The following WWOX variants were observed in gnomAD, a reference collection of about 807,000 sequenced individuals.
WWOX encodes the protein WW domain-containing oxidoreductase.
Under a neutral mutation model 46.2 loss-of-function variants are expected in WWOX, and 69 were observed. The observed-to-expected ratio is 1.49, with a 90% confidence interval of 1.23 to 1.82. The LOEUF (loss-of-function observed/expected upper bound fraction) is 1.82. Among genes scored for constraint, WWOX ranks in the 40% most tolerant of loss-of-function variants. WWOX has a pLI of 0.00. For missense variants in WWOX, 919 were observed against 542.6 expected (o/e 1.69, Z -6.89); for synonymous variants, 359 against 202.6 (o/e 1.77, Z -6.56).
intron 8 of WWOX, among the ~76,000 whole-genome samples, chr16:78,697,371 A>G (rs2048122839): frequency 1.3e-5 from 2 of 152,202 alleles, no homozygotes; most frequent in South Asian, 2.1e-4. Flanking sequence ...CAGGAGTAAG[A>G]TGGTATCGCA....
At chr16:78,612,568 T>A (rs938254158) in intron 8 of WWOX, among the ~76,000 whole-genome samples, 1 of 152,224 alleles carries the variant, frequency 6.6e-6, no homozygotes, top group African/African-American at 2.4e-5. Context: ...CTGGAACTCA[T>A]GGGCTCAAGC....
intron 5 of WWOX, among the ~76,000 whole-genome samples, chr16:78,328,732 G>T (rs2080688810): frequency 6.6e-6 from 1 of 152,196 alleles, no homozygotes; most frequent in Admixed American, 6.5e-5. Flanking sequence ...GCTGAAAAGT[G>T]CTCTTGAAGC....
intron 8 of WWOX, among the ~76,000 whole-genome samples, chr16:79,024,364 C>T (rs1011143695): frequency 6.6e-6 from 1 of 152,120 alleles, no homozygotes; most frequent in Non-Finnish European, 1.5e-5. Flanking sequence ...GGTGAAGAGA[C>T]CCTCCCACCT....
chr16:78,100,056 C>T lies in WWOX; in HGVS notation c.107+171C>T. 12 of 1,408,358 alleles carry T rather than the reference C, an allele frequency of 8.5e-6. No individual in the cohort carries two copies. In the South Asian group the frequency reaches 1.3e-4, roughly 15 times the overall value. 87.2% of individuals were successfully genotyped at this position (1,408,358 alleles called of 1,614,324 possible). On this transcript the variant is annotated intron_variant, in intron 1 of 8. Transcript: ENST00000566780. Reference sequence around the variant, plus strand: ...CCAGGGTTCCCAGTAGGGGCCGGCCCCCTTGGTGGGCCTCGGGTCCAGCGG... The same window carrying T: ...CCAGGGTTCCCAGTAGGGGCCGGCCTCCTTGGTGGGCCTCGGGTCCAGCGG...
intron 8 of WWOX, among the ~76,000 whole-genome samples, chr16:78,470,775 T>C (rs2667550): frequency 0.38 from 58,100 of 151,672 alleles, 13,656 homozygotes; most frequent in African/African-American, 0.67. Context: ...GTGATTGACC[T>C]ACCTCGGCCT....
At chr16:78,883,519 T>C (rs2044387210) in intron 8 of WWOX, among the ~76,000 whole-genome samples, 1 of 151,372 alleles carries the variant, frequency 6.6e-6, no homozygotes, top group South Asian at 2.1e-4. Flanking sequence ...AGGTCAGGAG[T>C]TCGAGACCAG....
In WWOX at chr16:79,014,643, A is replaced by T. The variant is rs934547965; in HGVS notation, c.1057-196965A>T. Among the ~76,000 whole-genome samples the T allele has an allele frequency of 2.0e-5, 3 of 152,176 alleles. No homozygotes were observed. In the East Asian group the frequency reaches 5.8e-4, roughly 29 times the overall value. On this transcript the variant is annotated intron_variant, in intron 8 of 8. Transcript: ENST00000566780. ...CAGTGCCTAAGACTTTGAATAGTTT[A>T]TTAATCATGTGTCACTGCAGCAAAG...
At chr16:78,365,557 A>G (rs1355222678) in intron 5 of WWOX, among the ~76,000 whole-genome samples, 1 of 152,170 alleles carries the variant, frequency 6.6e-6, no homozygotes, top group African/African-American at 2.4e-5. Context: ...TGCTGTCCCC[A>G]GTAGGATTCT....
chr16:78,582,112 T>C (rs2045071585), intron 8 of WWOX, among the ~76,000 whole-genome samples: 1 of 152,238 alleles, frequency 6.6e-6, no homozygotes, highest in Non-Finnish European at 1.5e-5. Flanking sequence ...TAATCGGCAC[T>C]CATTATCTAT....
At chr16:79,109,842 T>G (rs1012980471) in intron 8 of WWOX, among the ~76,000 whole-genome samples, 2 of 152,018 alleles carry the variant, frequency 1.3e-5, no homozygotes, top group Non-Finnish European at 2.9e-5. Flanking sequence ...GAAGCAGAGG[T>G]TTCCCAAGCA....
At chr16:78,286,260 G>C (rs1307344318) in intron 5 of WWOX, among the ~76,000 whole-genome samples, 2 of 152,230 alleles carry the variant, frequency 1.3e-5, no homozygotes, top group East Asian at 1.9e-4. Flanking sequence ...AGATCAGCAA[G>C]TTTGTGAGAT....
At chr16:78,907,169 G>C (rs1019303527) in intron 8 of WWOX, among the ~76,000 whole-genome samples, 4 of 152,142 alleles carry the variant, frequency 2.6e-5, no homozygotes, top group Admixed American at 2.6e-4. Context: ...GGGTACTGCT[G>C]ATGGGCTGTG....
intron 8 of WWOX, among the ~76,000 whole-genome samples, chr16:78,518,991 G>C (rs369826166): frequency 6.6e-6 from 1 of 152,216 alleles, no homozygotes; most frequent in African/African-American, 2.4e-5. Context: ...CTTCTGAGCT[G>C]ATTTCTCACC....
intron 4 of WWOX, among the ~76,000 whole-genome samples, chr16:78,144,471 A>ATATATATATATATATATG (rs2034115336): frequency 3.3e-4 from 11 of 33,576 alleles, no homozygotes; most frequent in East Asian, 2.4e-3. Context: ...ATACACACAT[A>ATATATATATATATATATG]TATATATATA....
intron 8 of WWOX, among the ~76,000 whole-genome samples, chr16:78,514,021 G>A (rs768496585): frequency 1.3e-5 from 2 of 151,310 alleles, no homozygotes; most frequent in Non-Finnish European, 2.9e-5. Flanking sequence ...ATAGTTGTAT[G>A]TCACAATTTT....
chr16:78,403,393 A>G (rs2082458274), intron 6 of WWOX, among the ~76,000 whole-genome samples: 2 of 152,162 alleles, frequency 1.3e-5, no homozygotes, highest in African/African-American at 2.4e-5. Flanking sequence ...CCTTCCCATG[A>G]TTTTTCTGCA....
chr16:78,638,914 C>G (rs903688638), intron 8 of WWOX, among the ~76,000 whole-genome samples: 5 of 152,100 alleles, frequency 3.3e-5, no homozygotes, highest in African/African-American at 1.2e-4. Flanking sequence ...TTGAAGAAAA[C>G]CTGAGAGATA....
intron 8 of WWOX, among the ~76,000 whole-genome samples, chr16:78,750,705 G>A (rs145074866): frequency 6.6e-6 from 1 of 151,986 alleles, no homozygotes; most frequent in Admixed American, 6.6e-5. Context: ...CCATGTGTAC[G>A]CAGTGTTGAG....
intron 8 of WWOX, among the ~76,000 whole-genome samples, chr16:78,953,300 TG>T (rs2046100141): frequency 1.4e-5 from 2 of 146,294 alleles, no homozygotes; most frequent in Non-Finnish European, 1.5e-5. Context: ...ACAATTATAG[TG>T]GGGGGTGGGG....
Sources: allele counts gnomAD v4.1 joint callset (sites outside exome capture counted in the v4.1 genomes callset), GRCh38; gene constraint gnomAD v4.1.1; transcripts MANE v1.5; gene names NCBI Gene and HGNC (gene_info 2026-07-23, HGNC 2026-07-21).